The following CORO6 variants were observed in gnomAD, a reference collection of about 807,000 sequenced individuals.
The protein encoded by CORO6 is coronin-6.
Under a neutral mutation model 49.0 loss-of-function variants are expected in CORO6, and 43 were observed. The observed-to-expected ratio is 0.88, with a 90% CI of 0.69 to 1.13. CORO6 has a LOEUF of 1.13. CORO6 is among the 50% of genes most tolerant of loss of function. CORO6 has a pLI of 0.00. For synonymous variants in CORO6, 233 were observed against 256.5 expected, an observed-to-expected ratio of 0.91 and a Z score of 0.88; for missense variants, 650 against 647.0, an observed-to-expected ratio of 1.00 and a Z score of -0.05.
Position 29,616,260 on chromosome 17 carries a change from CCTT to C in CORO6, c.1062+16_1062+18del. The stretch of plus-strand genomic sequence containing the variant: ...CTTCCGCCTCGTAGCCCTGCCCAAC[CCTT>C]CTCCCGGCCCCTCACCTTGCGGGGC... On this transcript the variant is annotated intron_variant, in intron 9 of 10. Transcript: ENST00000388767. The surrounding 1 kb of genome is among the most constrained non-coding windows in gnomAD (Gnocchi z 5.6). 1 of 1,611,516 alleles carries C rather than the reference CCTT, an allele frequency of 6.2e-7. No homozygotes were observed. The highest frequency in any genetic ancestry group is 8.5e-7 in the Non-Finnish European group (1 of 1,178,884).
At chr17:29,618,032 G>GC in intron 5 of CORO6, 1 of 1,479,548 alleles carries the variant, frequency 6.8e-7, no homozygotes, top group Non-Finnish European at 8.9e-7. Flanking sequence ...AGCGCGCCCG[G>GC]CGCGGCCTGG....
chr17:29,621,502 A>C lies in CORO6; in HGVS notation c.-63-18T>G. 6.5e-7 allele frequency: 1 copy of C among 1,538,530 alleles called. No individual in the cohort carries two copies. The highest frequency in any genetic ancestry group is 8.8e-7 in the Non-Finnish European group (1 of 1,137,904). On this transcript the variant is annotated intron_variant, in intron 1 of 10. Transcript: ENST00000388767. This position sits in a 1 kb window ranked among gnomAD's most constrained non-coding sequence, Gnocchi z 4.2. Reference sequence around the variant, plus strand: ...CCTGTGAGCTGCGGGAGGGAGGAGGAGTGGAGGGGTGGCTGATGAGAAGGG... The same window carrying C: ...CCTGTGAGCTGCGGGAGGGAGGAGGCGTGGAGGGGTGGCTGATGAGAAGGG...
Position 29,616,278 on chromosome 17 carries a change from C to T in CORO6, c.1062+1G>A. 4 of 1,611,448 alleles carry T rather than the reference C, an allele frequency of 2.5e-6. No individual in the cohort carries two copies. The highest frequency in any genetic ancestry group is 1.1e-5 in the South Asian group (1 of 90,536). On this transcript the variant is annotated splice_donor_variant, in intron 9 of 10. Transcript: ENST00000388767. LOFTEE classifies it high-confidence loss of function. The surrounding 1 kb of genome is among the most constrained non-coding windows in gnomAD (Gnocchi z 5.6). The stretch of plus-strand genomic sequence containing the variant: ...GCCCAACCCTTCTCCCGGCCCCTCA[C>T]CTTGCGGGGCACAGTCATGATGATA...
chr17:29,620,427 G>A (rs1256628075), intron 2 of CORO6, among the ~76,000 whole-genome samples: 4 of 152,200 alleles, frequency 2.6e-5, no homozygotes, highest in African/African-American at 7.2e-5. Context: ...AGGCAGCTCC[G>A]GCTGAAATTT....
chr17:29,618,573 G>C, intron 5 of CORO6: 1 of 1,391,670 alleles, frequency 7.2e-7, no homozygotes, highest in Non-Finnish European at 9.3e-7. Context: ...ATGCAAGGGA[G>C]GGGAGGGAAC....
chr17:29,617,773 G>A, intron 5 of CORO6, 154 bp from the exon 6 acceptor site: 1 of 862,184 alleles, frequency 1.2e-6, no homozygotes, highest in South Asian at 1.8e-5. Flanking sequence ...AGCTTCCTGC[G>A]GGGCCACGTC....
At chr17:29,622,625 C>A in intron 1 of CORO6, 63 bp downstream of exon 1, 2 of 987,280 alleles carry the variant, frequency 2.0e-6, no homozygotes, top group Non-Finnish European at 2.6e-6. Context: ...CAGACCTCTG[C>A]CCCTCAGGGA....
intron 6 of CORO6, chr17:29,617,291 A>G (rs751764222): frequency 6.5e-7 from 1 of 1,531,164 alleles, no homozygotes; most frequent in South Asian, 1.2e-5. Context: ...GGGACTCGGC[A>G]TCACCAGGTG....
intron 2 of CORO6, among the ~76,000 whole-genome samples, chr17:29,620,790 T>C (rs1418557724): frequency 6.6e-6 from 1 of 152,190 alleles, no homozygotes; most frequent in Non-Finnish European, 1.5e-5. Flanking sequence ...GGATAGAGCC[T>C]GACCCTGTCC....
intron 6 of CORO6, 157 bp from the exon 7 acceptor site, chr17:29,617,199 C>T (rs1261649580): frequency 1.9e-6 from 3 of 1,539,094 alleles, no homozygotes; most frequent in East Asian, 2.4e-5. Context: ...CACATCTCTC[C>T]TCCTCCCCTG....
Position 29,616,230 on chromosome 17 carries a change from G to T in CORO6, c.1062+49C>A, listed in dbSNP as rs1012657713. 6 of 1,609,338 alleles carry T rather than the reference G, an allele frequency of 3.7e-6. No individual in the cohort carries two copies. In the African/African-American group the frequency reaches 8.0e-5, roughly 21 times the overall value. On this transcript the variant is annotated intron_variant, in intron 9 of 10. Coordinates refer to ENST00000388767, the MANE Select transcript of CORO6 (RefSeq NM_032854.4). The surrounding 1 kb of genome is among the most constrained non-coding windows in gnomAD (Gnocchi z 5.6). Reference sequence around the variant, plus strand: ...CGTGAGAGGGTGCGGGGCTTGCTCCGCTCCCTTCCGCCTCGTAGCCCTGCC... The same window carrying T: ...CGTGAGAGGGTGCGGGGCTTGCTCCTCTCCCTTCCGCCTCGTAGCCCTGCC...
chr17:29,620,945 C>A (rs1445420720), intron 2 of CORO6, among the ~76,000 whole-genome samples: 2 of 152,150 alleles, frequency 1.3e-5, no homozygotes, highest in African/African-American at 4.8e-5. Flanking sequence ...TGTGTCCCAA[C>A]CATCTCCATC....
chr17:29,617,282 G>A, intron 6 of CORO6: 1 of 1,532,000 alleles, frequency 6.5e-7, no homozygotes, highest in Non-Finnish European at 8.7e-7. Flanking sequence ...CCACCCCCAG[G>A]GACTCGGCAT....
At chr17:29,618,442 CCGGCTG>C in intron 5 of CORO6, 1 of 1,273,904 alleles carries the variant, frequency 7.8e-7, no homozygotes, top group Non-Finnish European at 9.9e-7. Flanking sequence ...CGTCTGGGTG[CCGGCTG>C]AGAGGAGAGG....
chr17:29,622,795 G>A lies in CORO6; in HGVS notation c.-171C>T, dbSNP rs1230609687. The A allele has an allele frequency of 7.6e-7, 1 of 1,316,070 alleles. No individual in the cohort carries two copies. The allele number at this position is 1,316,070 out of a possible 1,614,324, so 81.5% of individuals were successfully genotyped here. A position where few individuals can be genotyped will look rare whatever the true frequency, so the allele number is the denominator to read the frequency against. On this transcript the variant is annotated 5_prime_UTR_variant, in exon 1 of 11. Coordinates refer to ENST00000388767, the MANE Select transcript of CORO6 (RefSeq NM_032854.4). ...TTCAGGGCGAAGGAGCCACCTCTCC[G>A]GGTGTCTGTAGTATCTGGGACCCGG...
intron 5 of CORO6, chr17:29,618,537 G>A (rs2035127925): frequency 7.4e-7 from 1 of 1,356,232 alleles, no homozygotes; most frequent in Non-Finnish European, 9.5e-7. Flanking sequence ...ATCCCAAAGC[G>A]AGGAGCCCTT....
chr17:29,620,503 G>C (rs972470329), intron 2 of CORO6, among the ~76,000 whole-genome samples: 9 of 152,128 alleles, frequency 5.9e-5, no homozygotes, highest in Non-Finnish European at 1.0e-4. Context: ...GCTTTTTCAG[G>C]CCTCTTCCTG....
chr17:29,617,743 C>T (rs2150927880), intron 5 of CORO6, 124 bp from the exon 6 acceptor site: 3 of 1,055,924 alleles, frequency 2.8e-6, no homozygotes, highest in South Asian at 3.3e-5. Context: ...GGGGAAGAGA[C>T]AAATGGGGCC....
intron 2 of CORO6, among the ~76,000 whole-genome samples, chr17:29,620,377 T>C (rs987612620): frequency 6.6e-6 from 1 of 151,784 alleles, no homozygotes; most frequent in Non-Finnish European, 1.5e-5. Context: ...GGGGAGAGGG[T>C]GGCTATGTGG....
Sources: allele counts gnomAD v4.1 joint callset (sites outside exome capture counted in the v4.1 genomes callset), GRCh38; gene constraint gnomAD v4.1.1; non-coding constraint Gnocchi (gnomAD v3.1); transcripts MANE v1.5; gene names NCBI Gene and HGNC (gene_info 2026-07-23, HGNC 2026-07-21).